TEX14: variants seen among roughly 807,000 people sequenced by gnomAD.
TEX14 encodes the protein inactive serine/threonine-protein kinase TEX14.
In TEX14, 168 loss-of-function variants were observed where a neutral mutation model predicts 178.6. That is an observed-to-expected ratio of 0.94 (90% CI 0.83 to 1.07). The LOEUF (loss-of-function observed/expected upper bound fraction) is 1.07. Among genes scored for constraint, TEX14 ranks in the 50% least tolerant of loss-of-function variants. The probability of loss-of-function intolerance (pLI) is 0.00; values close to 1 mark genes in which losing one functional copy is unlikely to be tolerated. For missense variants in TEX14, 1,730 were observed against 1,753.6 expected, an observed-to-expected ratio of 0.99 and a Z score of 0.24; for synonymous variants, 626 against 634.1, an observed-to-expected ratio of 0.99 and a Z score of 0.19.
chr17:58,620,548 C>T (rs1470171682), intron 5 of TEX14, among the ~76,000 whole-genome samples: 1 of 151,954 alleles, frequency 6.6e-6, no homozygotes, highest in East Asian at 1.9e-4. Context: ...GGCTGGAGTG[C>T]AGTGGTGCGA....
intron 2 of TEX14, among the ~76,000 whole-genome samples, chr17:58,646,965 G>T (rs2046723600): frequency 6.6e-6 from 1 of 151,396 alleles, no homozygotes; most frequent in African/African-American, 2.4e-5. Context: ...GAGTGCGATG[G>T]CACCATCTCG....
intron 3 of TEX14, among the ~76,000 whole-genome samples, chr17:58,627,913 CTTTTTTTTTTTT>C (rs1172697593): frequency 6.6e-5 from 5 of 75,692 alleles, no homozygotes; most frequent in East Asian, 3.9e-4. Context: ...CCCATGCCAC[CTTTTTTTTTTTT>C]TTTTTTTTTT....
chr17:58,602,202 CT>C (rs1334752554), intron 12 of TEX14, among the ~76,000 whole-genome samples, 197 bp downstream of exon 12: 7 of 152,162 alleles, frequency 4.6e-5, no homozygotes, highest in Non-Finnish European at 7.3e-5. Context: ...TTGAACCTCC[CT>C]AGCTCCCCTC....
At chr17:58,624,156 A>C (rs2046075915) in intron 3 of TEX14, among the ~76,000 whole-genome samples, 1 of 151,792 alleles carries the variant, frequency 6.6e-6, no homozygotes. Flanking sequence ...TAGGTGGTGC[A>C]TACCTGTAGT....
intron 19 of TEX14, 56 bp downstream of exon 19, chr17:58,584,444 G>T: frequency 7.7e-7 from 1 of 1,296,188 alleles, no homozygotes; most frequent in Non-Finnish European, 1.1e-6. Context: ...CAATAACTCA[G>T]TTCTATCTTA....
chr17:58,660,637 C>T, intron 1 of TEX14: 1 of 789,528 alleles, frequency 1.3e-6, no homozygotes, highest in East Asian at 2.4e-5. Context: ...AGTCATCCCA[C>T]TCTCGAGCTC....
chr17:58,593,510 G>T, intron 15 of TEX14, 45 bp downstream of exon 15: 2 of 1,418,072 alleles, frequency 1.4e-6, no homozygotes, highest in Non-Finnish European at 2.0e-6. Context: ...ACACACAGAA[G>T]TCTAAAGGCA....
At chr17:58,590,562 TTG>T (rs2045107834) in intron 15 of TEX14, among the ~76,000 whole-genome samples, 1 of 151,848 alleles carries the variant, frequency 6.6e-6, no homozygotes, top group Non-Finnish European at 1.5e-5. Flanking sequence ...GTTGTTGTTG[TTG>T]TTGTTGTTTG....
chr17:58,587,844 C>CCCCCCCCCCCCCCCCCA, intron 16 of TEX14, 52 bp downstream of exon 16: 2 of 1,060,388 alleles, frequency 1.9e-6, no homozygotes, highest in Non-Finnish European at 2.9e-6. Context: ...GGTGCCAGAA[C>CCCCCCCCCCCCCCCCCA]CCACCCCCAC....
intron 1 of TEX14, among the ~76,000 whole-genome samples, chr17:58,688,000 G>C (rs2047629524): frequency 6.6e-6 from 1 of 152,174 alleles, no homozygotes; most frequent in African/African-American, 2.4e-5. Context: ...TAGTGATCTA[G>C]TCTTCAGAGT....
rs2044471260 is a variant in TEX14, at chr17:58,569,339, T to C, written c.3818-79A>G. 7 of 1,035,724 alleles carry C rather than the reference T, an allele frequency of 6.8e-6. No homozygotes were observed. Among genetic ancestry groups the C allele is most frequent in the Admixed American group, 5.8e-5 (3 of 51,796 alleles). 64.2% of individuals were successfully genotyped at this position (1,035,724 alleles called of 1,614,324 possible). ...AACTGAATTTTTCTCGGCTCTCACA[T>C]AGACTTGACTGAGGATTTCTCTCAA... On this transcript the variant is annotated intron_variant, in intron 25 of 31. Coordinates refer to ENST00000349033, the MANE Select transcript of TEX14 (RefSeq NM_031272.5). The surrounding 1 kb of genome is among the most constrained non-coding windows in gnomAD (Gnocchi z 4.1).
At position 58,561,595 on chromosome 17, in the gene TEX14, T is replaced by A. The variant is rs747316230; in HGVS notation, c.4082A>T (p.Asp1361Val). 3.1e-6 allele frequency: 5 copies of A among 1,613,448 alleles called. No homozygotes were observed. In the South Asian group the frequency reaches 5.5e-5, roughly 18 times the overall value. Residue 1361 changes from aspartate (D) to valine (V), a missense_variant, in exon 29 of 32, where the codon GAT (aspartate) becomes GTT (valine). By Grantham distance (152) the Asp-to-Val change is radical. Transcript: ENST00000349033. ...EDTERAHSTL[D>V]EDLERWLQPP... The stretch of plus-strand genomic sequence containing the variant: ...CTGCAGCCATCTTTCCAGGTCCTCA[T>A]CCAGAGTAGAGTGAGCTCTGTTTAA...
chr17:58,666,515 C>T (rs1037445282), intron 1 of TEX14: 8 of 117,616 alleles, frequency 6.8e-5, no homozygotes, highest in Non-Finnish European at 1.7e-5. Context: ...ACTAACAAAA[C>T]TTGCATTTCA....
At chr17:58,566,933 G>A (rs1425687356) in intron 26 of TEX14, among the ~76,000 whole-genome samples, 3 of 152,244 alleles carry the variant, frequency 2.0e-5, no homozygotes, top group East Asian at 1.9e-4. Flanking sequence ...TTGGGAGGCT[G>A]AGGCAGGTGG....
At chr17:58,627,325 C>A (rs193110590) in intron 3 of TEX14, among the ~76,000 whole-genome samples, 36 of 152,216 alleles carry the variant, frequency 2.4e-4, no homozygotes, top group Admixed American at 1.8e-3. Flanking sequence ...TAAAATGTTT[C>A]AATTTTTATC....
chr17:58,578,324 C>T (rs1387763434), intron 20 of TEX14, among the ~76,000 whole-genome samples: 1 of 152,116 alleles, frequency 6.6e-6, no homozygotes, highest in Non-Finnish European at 1.5e-5. Context: ...ACATTTAGAG[C>T]TTAGAGACTT....
rs1047574014 is a variant in TEX14 at position 58,577,473 on chromosome 17, A to T, written c.3239-17T>A. The T allele has an allele frequency of 1.2e-5, 12 of 1,000,342 alleles. No individual in the cohort carries two copies. The highest frequency in any genetic ancestry group is 6.3e-4 in the Middle Eastern group (2 of 3,164). The allele number at this position is 1,000,342 out of a possible 1,614,324, so 62.0% of individuals were successfully genotyped here. A position where few individuals can be genotyped will look rare whatever the true frequency, so the allele number is the denominator to read the frequency against. On this transcript the variant is annotated splice_polypyrimidine_tract_variant and intron_variant, in intron 20 of 31. Transcript: ENST00000349033. ...TTTCCTCACCTGAAAGAATAAAGTT[A>T]AAAATATATATATATATTTTTTTTT...
Position 58,602,492 on chromosome 17 carries a change from A to C in TEX14, c.1435T>G (p.Tyr479Asp). 1 of 1,614,088 alleles carries C rather than the reference A, an allele frequency of 6.2e-7. No homozygotes were observed. The highest frequency in any genetic ancestry group is 8.5e-7 in the Non-Finnish European group (1 of 1,180,014). The change falls in exon 12 of 32, where the codon TAT (tyrosine) becomes GAT (aspartate). Residue 479 changes from tyrosine (Y) to aspartate (D), a missense_variant. Tyr to Asp is a radical substitution (Grantham distance 160, BLOSUM62 -3). Around this residue, in one of 2 missense-constraint regions of TEX14, gnomAD observed 789 missense variants for 681.2 expected, o/e 1.16. Transcript: ENST00000349033. ...TGGATGCCTGACTTAACAATATCAT[A>C]GTAAGGTTTCGGAAGCCTGACATCA... ...EADVRLPKPYYDIVKSGIHVK... is the reference protein window; with the variant it reads ...EADVRLPKPYDDIVKSGIHVK...
intron 5 of TEX14, among the ~76,000 whole-genome samples, chr17:58,620,655 G>T (rs568758858): frequency 6.6e-6 from 1 of 152,022 alleles, no homozygotes; most frequent in South Asian, 2.1e-4. Flanking sequence ...CACCACACCC[G>T]GCTAATTTTT....
Sources: allele counts gnomAD v4.1 joint callset (sites outside exome capture counted in the v4.1 genomes callset), GRCh38; gene constraint gnomAD v4.1.1; regional missense constraint gnomAD v4.1.1; non-coding constraint Gnocchi (gnomAD v3.1); transcripts MANE v1.5; gene names NCBI Gene and HGNC (gene_info 2026-07-23, HGNC 2026-07-21).